Variants in WDFY4 observed in about 807,000 individuals in gnomAD.
WDFY4 encodes WDFY family member 4.
A neutral mutation model predicts 351.9 loss-of-function variants in WDFY4; 169 were observed. That is an observed-to-expected ratio of 0.48 (90% CI 0.42 to 0.55). The LOEUF is 0.55. WDFY4 is among the 20% of genes least tolerant of loss of function. The pLI, the probability that WDFY4 is intolerant of heterozygous loss-of-function variation, is 0.00. For synonymous variants in WDFY4, 1,622 were observed against 1,574.6 expected (o/e 1.03, Z -0.71); for missense variants, 3,803 against 3,935.6 (o/e 0.97, Z 0.90).
chr10:48,890,683 G>T lies in WDFY4; in HGVS notation c.7272G>T (p.Leu2424=). The change falls in exon 44 of 62, where the codon CTG becomes CTT. Residue 2424 remains leucine (L), a synonymous_variant. Coordinates refer to ENST00000325239, the MANE Select transcript of WDFY4 (RefSeq NM_001394531.1). ...QHFYICENFT[L]SPTGDVYCTR... ...TCTACATCTGCGAGAACTTCACACTGTCTCCCACGGGTGATGTCTACTGTA... is the reference window on the plus strand; with the variant it reads ...TCTACATCTGCGAGAACTTCACACTTTCTCCCACGGGTGATGTCTACTGTA... 6.4e-7 allele frequency: 1 copy of T among 1,551,672 alleles called. No homozygotes were observed. The highest frequency in any genetic ancestry group is 1.4e-5 in the African/African-American group (1 of 73,148).
intron 1 of WDFY4, among the ~76,000 whole-genome samples, chr10:48,703,693 G>A (rs530751684): frequency 4.6e-5 from 7 of 152,218 alleles, no homozygotes; most frequent in Admixed American, 2.6e-4. Context: ...TCCCAACTCT[G>A]CAAATCACTC....
chr10:48,826,619 A>G, intron 35 of WDFY4, 52 bp from the exon 36 acceptor site: 1 of 1,396,994 alleles, frequency 7.2e-7, no homozygotes, highest in East Asian at 2.5e-5. Flanking sequence ...TGTATCTAAA[A>G]TTGTAAAGCA....
intron 47 of WDFY4, among the ~76,000 whole-genome samples, chr10:48,908,826 T>G (rs1315030816): frequency 6.6e-6 from 1 of 152,228 alleles, no homozygotes; most frequent in Non-Finnish European, 1.5e-5. Context: ...CATGTAGATT[T>G]GAGTAACCAC....
intron 13 of WDFY4, among the ~76,000 whole-genome samples, chr10:48,773,362 TACG>T (rs1469311064): frequency 1.3e-5 from 2 of 152,242 alleles, no homozygotes; most frequent in African/African-American, 4.8e-5. Flanking sequence ...TCTCACTTGA[TACG>T]ACATCTTATC....
intron 39 of WDFY4, among the ~76,000 whole-genome samples, chr10:48,860,515 C>T (rs1195365660): frequency 6.6e-6 from 1 of 152,218 alleles, no homozygotes; most frequent in Non-Finnish European, 1.5e-5. Context: ...GGGTCTACCC[C>T]ATGGCAGCAT....
At chr10:48,893,134 G>A (rs1440154191) in intron 44 of WDFY4, among the ~76,000 whole-genome samples, 1 of 152,172 alleles carries the variant, frequency 6.6e-6, no homozygotes, top group Non-Finnish European at 1.5e-5. Flanking sequence ...ACAATCCTTT[G>A]CATCCCTTGG....
intron 47 of WDFY4, among the ~76,000 whole-genome samples, chr10:48,941,500 T>C (rs1589960594): frequency 6.6e-6 from 1 of 151,974 alleles, no homozygotes; most frequent in African/African-American, 2.4e-5. Context: ...TCTGTGTGGG[T>C]TGTGAAGGAG....
At chr10:48,942,319 G>C (rs895287771) in intron 48 of WDFY4, among the ~76,000 whole-genome samples, 2 of 152,210 alleles carry the variant, frequency 1.3e-5, no homozygotes, top group African/African-American at 2.4e-5. Context: ...CTGACCAGAT[G>C]TCGGTGATGG....
intron 2 of WDFY4, among the ~76,000 whole-genome samples, chr10:48,717,802 A>T (rs1305886926): frequency 6.6e-6 from 1 of 152,334 alleles, no homozygotes; most frequent in South Asian, 2.1e-4. Flanking sequence ...TCATTGTCTT[A>T]TCAAAGCATA....
intron 41 of WDFY4, 64 bp downstream of exon 41, chr10:48,873,761 T>A: frequency 2.7e-6 from 4 of 1,504,174 alleles, no homozygotes; most frequent in South Asian, 1.2e-5. Flanking sequence ...AAGCAGCTCC[T>A]GAGCTTCCCC....
intron 47 of WDFY4, among the ~76,000 whole-genome samples, chr10:48,911,572 T>C (rs1254379315): frequency 1.3e-5 from 2 of 152,224 alleles, no homozygotes; most frequent in South Asian, 4.1e-4. Context: ...ATAACTATCT[T>C]GCAGATGTTT....
At chr10:48,849,085 G>T (rs1039089728) in intron 39 of WDFY4, among the ~76,000 whole-genome samples, 2 of 152,172 alleles carry the variant, frequency 1.3e-5, no homozygotes, top group South Asian at 4.1e-4. Context: ...TTTGGTCAGG[G>T]AGAATCAGAT....
intron 47 of WDFY4, among the ~76,000 whole-genome samples, chr10:48,907,436 A>G (rs1837671481): frequency 6.6e-6 from 1 of 152,116 alleles, no homozygotes; most frequent in African/African-American, 2.4e-5. Context: ...ATCATTCTTA[A>G]CTGTATAAAT....
At chr10:48,943,028 C>T (rs940891970) in intron 48 of WDFY4, among the ~76,000 whole-genome samples, 4 of 152,228 alleles carry the variant, frequency 2.6e-5, no homozygotes, top group Admixed American at 6.5e-5. Flanking sequence ...TTTTAGTCAA[C>T]TTCTGAGAAC....
intron 4 of WDFY4, among the ~76,000 whole-genome samples, chr10:48,722,933 T>C (rs1231958678): frequency 3.3e-5 from 5 of 152,204 alleles, no homozygotes; most frequent in African/African-American, 7.2e-5. Flanking sequence ...TCTTTGGACC[T>C]TGACGAGATC....
chr10:48,902,501 A>G (rs1837408229), intron 47 of WDFY4, among the ~76,000 whole-genome samples: 1 of 152,140 alleles, frequency 6.6e-6, no homozygotes, highest in Non-Finnish European at 1.5e-5. Context: ...GGGTGTCCCC[A>G]GGAATGACAT....
At chr10:48,687,713 C>G (rs1227044165) in intron 1 of WDFY4, among the ~76,000 whole-genome samples, 2 of 146,924 alleles carry the variant, frequency 1.4e-5, no homozygotes, top group Non-Finnish European at 3.0e-5. Context: ...CTCCCAGGTT[C>G]AAGCAATTAT....
intron 1 of WDFY4, among the ~76,000 whole-genome samples, chr10:48,708,509 G>A (rs2063690167): frequency 6.6e-6 from 1 of 152,186 alleles, no homozygotes; most frequent in Non-Finnish European, 1.5e-5. Context: ...GTTTGGTGAG[G>A]GCTTTTATTC....
chr10:48,849,657 A>G (rs1475465735), intron 39 of WDFY4, among the ~76,000 whole-genome samples: 1 of 152,136 alleles, frequency 6.6e-6, no homozygotes, highest in African/African-American at 2.4e-5. Flanking sequence ...TAATTTTGGG[A>G]TACTTTCCAC....
Sources: allele counts gnomAD v4.1 joint callset (sites outside exome capture counted in the v4.1 genomes callset), GRCh38; gene constraint gnomAD v4.1.1; transcripts MANE v1.5; gene names NCBI Gene and HGNC (gene_info 2026-07-23, HGNC 2026-07-21).